TRHDE: variants seen among roughly 807,000 people sequenced by gnomAD.
TRHDE encodes the protein thyrotropin releasing hormone degrading enzyme, also known as thyrotropin-releasing hormone-degrading ectoenzyme.
In TRHDE, 72 loss-of-function variants were observed where a neutral mutation model predicts 125.7. The ratio of observed to expected loss-of-function variants is 0.57; its 90% CI spans 0.47 to 0.70. TRHDE has a LOEUF of 0.70. TRHDE is among the 30% of genes least tolerant of loss of function. The pLI, the probability that TRHDE is intolerant of heterozygous loss-of-function variation, is 0.00. For synonymous variants in TRHDE, 509 were observed against 509.1 expected, an observed-to-expected ratio of 1.00 and a Z score of 0.00; for missense variants, 1,110 against 1,327.1, an observed-to-expected ratio of 0.84 and a Z score of 2.54.
At chr12:72,170,592 G>A (rs1297499540) in intron 2 of TRHDE, among the ~76,000 whole-genome samples, 3 of 152,068 alleles carry the variant, frequency 2.0e-5, no homozygotes, top group Admixed American at 6.6e-5. Flanking sequence ...AGCAAGGATT[G>A]CTTGGCTCTA....
intron 1 of TRHDE, among the ~76,000 whole-genome samples, chr12:72,100,103 A>T (rs1475084822): frequency 6.6e-6 from 1 of 152,180 alleles, no homozygotes; most frequent in Non-Finnish European, 1.5e-5. Flanking sequence ...ATCTATCTTT[A>T]AAGTTAGATT....
In TRHDE at chr12:72,292,071, A is replaced by G. The variant is rs530725368; in HGVS notation, c.1188+5117A>G. The stretch of plus-strand genomic sequence containing the variant: ...AAAATGATACCCACAGATCTCTTTA[A>G]GATGAACCTTTGTCTACTTTGAGGC... On this transcript the variant is annotated intron_variant, in intron 2 of 18. Coordinates refer to ENST00000261180, the MANE Select transcript of TRHDE (RefSeq NM_013381.3). Among the ~76,000 whole-genome samples, 8 of 152,370 alleles carry G rather than the reference A, an allele frequency of 5.3e-5. No homozygotes were observed. In the East Asian group the frequency reaches 1.5e-3, roughly 29 times the overall value.
chr12:72,205,313 C>G lies in TRHDE; in HGVS notation n.279+99561C>G, dbSNP rs540883022. 4.6e-5 allele frequency among the ~76,000 whole-genome samples: 7 copies of G among 151,114 alleles called. No homozygotes were observed. The East Asian group carries it at 1.2e-3, about 25-fold the overall frequency. The stretch of plus-strand genomic sequence containing the variant: ...TTAATACTCTTCCCTGCACCCTTCC[C>G]TTCGTGTACCAAAGCACTGTTTTTT... On this transcript the variant is annotated intron_variant and non_coding_transcript_variant, in intron 2 of 4. Transcript: ENST00000548156.
chr12:72,424,630 A>C (rs1185999815), intron 3 of TRHDE, among the ~76,000 whole-genome samples: 5 of 152,148 alleles, frequency 3.3e-5, no homozygotes, highest in African/African-American at 1.2e-4. Flanking sequence ...ATGCTGTCTC[A>C]TCTCTGAAGT....
chr12:72,386,625 A>G (rs1224166004), intron 3 of TRHDE, among the ~76,000 whole-genome samples: 4 of 152,104 alleles, frequency 2.6e-5, no homozygotes, highest in Admixed American at 2.6e-4. Context: ...TTCCTTTTAC[A>G]GTTAGACTGC....
At chr12:72,210,979 C>A (rs1592485206) in intron 2 of TRHDE, among the ~76,000 whole-genome samples, 4 of 152,200 alleles carry the variant, frequency 2.6e-5, no homozygotes, top group Admixed American at 2.6e-4. Flanking sequence ...AATTTTAGAA[C>A]CTTAGCAGCT....
chr12:72,116,935 G>T (rs1436405470), intron 2 of TRHDE, among the ~76,000 whole-genome samples: 1 of 151,876 alleles, frequency 6.6e-6, no homozygotes, highest in Non-Finnish European at 1.5e-5. Flanking sequence ...TTTTTAGATT[G>T]GATTATTAGA....
chr12:72,464,879 A>AT (rs577479971), intron 3 of TRHDE, among the ~76,000 whole-genome samples: 59 of 152,262 alleles, frequency 3.9e-4, no homozygotes, highest in African/African-American at 1.4e-3. Flanking sequence ...AGCAAGTCAG[A>AT]TTTTTGTTAA....
At chr12:72,525,543 A>G (rs541481616) in intron 6 of TRHDE, among the ~76,000 whole-genome samples, 2 of 152,020 alleles carry the variant, frequency 1.3e-5, no homozygotes, top group South Asian at 2.1e-4. Flanking sequence ...CCTTTACCAT[A>G]TATAATCACA....
chr12:72,304,105 A>G (rs1332040510), intron 2 of TRHDE, among the ~76,000 whole-genome samples: 2 of 152,160 alleles, frequency 1.3e-5, no homozygotes, highest in African/African-American at 4.8e-5. Flanking sequence ...AATAGCTTCT[A>G]TCTGGTTCTA....
chr12:72,341,549 C>A (rs552346844), intron 2 of TRHDE, among the ~76,000 whole-genome samples: 85 of 152,072 alleles, frequency 5.6e-4, no homozygotes, highest in African/African-American at 2.0e-3. Flanking sequence ...TGAAAGAGTG[C>A]ATTGATGGTT....
At chr12:72,127,230 T>TCTC (rs1389392699) in intron 2 of TRHDE, among the ~76,000 whole-genome samples, 1 of 152,220 alleles carries the variant, frequency 6.6e-6, no homozygotes, top group East Asian at 1.9e-4. Context: ...AGAATGCTTA[T>TCTC]ACACTGTTGG....
At chr12:72,455,893 G>T (rs904337726) in intron 3 of TRHDE, among the ~76,000 whole-genome samples, 2 of 151,824 alleles carry the variant, frequency 1.3e-5, no homozygotes, top group African/African-American at 4.8e-5. Flanking sequence ...AGATACAGAG[G>T]AGTCTACTTT....
intron 3 of TRHDE, among the ~76,000 whole-genome samples, chr12:72,464,967 T>C (rs1322419116): frequency 6.6e-6 from 1 of 152,182 alleles, no homozygotes; most frequent in Non-Finnish European, 1.5e-5. Flanking sequence ...ACTATTTAAT[T>C]GGAAGCAGAC....
At chr12:72,504,072 A>C (rs189922255) in intron 6 of TRHDE, among the ~76,000 whole-genome samples, 1 of 152,160 alleles carries the variant, frequency 6.6e-6, no homozygotes, top group Non-Finnish European at 1.5e-5. Context: ...GAATCTAAGG[A>C]GTTATGACAG....
chr12:72,357,661 A>G (rs1164784572), intron 2 of TRHDE, among the ~76,000 whole-genome samples: 2 of 151,554 alleles, frequency 1.3e-5, no homozygotes, highest in African/African-American at 2.4e-5. Flanking sequence ...ATAGTGCTGC[A>G]ATGACCATTA....
intron 2 of TRHDE, among the ~76,000 whole-genome samples, chr12:72,265,578 C>A (rs1879048443): frequency 6.6e-6 from 1 of 150,744 alleles, no homozygotes; most frequent in Non-Finnish European, 1.5e-5. Context: ...TTTTTCAGTT[C>A]ACGATTAAGA....
chr12:72,166,893 A>G (rs779746416), intron 2 of TRHDE, among the ~76,000 whole-genome samples: 2 of 149,226 alleles, frequency 1.3e-5, no homozygotes, highest in African/African-American at 2.5e-5. Context: ...ATGGAAGAAT[A>G]AAAGGTAGAT....
At chr12:72,156,702 A>G (rs1279981987) in intron 2 of TRHDE, among the ~76,000 whole-genome samples, 5 of 152,212 alleles carry the variant, frequency 3.3e-5, no homozygotes, top group African/African-American at 9.7e-5. Context: ...TCTAAATGCT[A>G]TTTGAGGAAT....
Sources: allele counts gnomAD v4.1 joint callset (sites outside exome capture counted in the v4.1 genomes callset), GRCh38; gene constraint gnomAD v4.1.1; transcripts MANE v1.5; gene names NCBI Gene and HGNC (gene_info 2026-07-23, HGNC 2026-07-21).